Variants in TRIM33 observed in about 807,000 individuals in gnomAD.
The protein encoded by TRIM33 is tripartite motif containing 33.
TRIM33 carries 20 observed loss-of-function variants against 125.4 expected under a neutral mutation model. That is an observed-to-expected ratio of 0.16 (90% confidence interval 0.11 to 0.23). The LOEUF is 0.23. Ranked by LOEUF, TRIM33 falls within the 10% of genes least tolerant of loss-of-function variation. TRIM33 has a pLI of 1.00. For synonymous variants in TRIM33, 564 were observed against 513.9 expected (o/e 1.10, Z -1.32); for missense variants, 920 against 1,411.4 (o/e 0.65, Z 5.58).
At chr1:114,446,437 T>C (rs1236924408) in intron 4 of TRIM33, among the ~76,000 whole-genome samples, 1 of 152,174 alleles carries the variant, frequency 6.6e-6, no homozygotes, top group Non-Finnish European at 1.5e-5. Flanking sequence ...GTGGCAATAG[T>C]ACAAAGGATA....
At chr1:114,469,669 G>A (rs1425039878) in intron 1 of TRIM33, among the ~76,000 whole-genome samples, 1 of 152,206 alleles carries the variant, frequency 6.6e-6, no homozygotes, top group African/African-American at 2.4e-5. Flanking sequence ...GGAGCAACAG[G>A]TCACTGATCT....
At chr1:114,486,546 C>CAAAAAAAA (rs372795084) in intron 1 of TRIM33, among the ~76,000 whole-genome samples, 1 of 65,270 alleles carries the variant, frequency 1.5e-5, no homozygotes, top group Non-Finnish European at 3.1e-5. Flanking sequence ...GACCCTATCT[C>CAAAAAAAA]AAAAAAAAAA....
At chr1:114,425,387 GAA>G in intron 9 of TRIM33, 60 bp downstream of exon 9, 1 of 1,566,816 alleles carries the variant, frequency 6.4e-7, no homozygotes, top group South Asian at 1.2e-5. Context: ...AATTATATAG[GAA>G]AAAGTGTAGT....
chr1:114,441,634 C>A (rs1308319354), intron 4 of TRIM33, among the ~76,000 whole-genome samples: 4 of 152,090 alleles, frequency 2.6e-5, no homozygotes, highest in African/African-American at 7.2e-5. Context: ...TGCATTTTTG[C>A]AAAGGAAAAT....
chr1:114,403,187 A>G (rs1652013454), intron 15 of TRIM33, among the ~76,000 whole-genome samples: 1 of 152,222 alleles, frequency 6.6e-6, no homozygotes, highest in African/African-American at 2.4e-5. Context: ...CAATTCTCTC[A>G]GATCCCAGTA....
chr1:114,425,971 A>T (rs1034878932), intron 8 of TRIM33, among the ~76,000 whole-genome samples: 1 of 152,160 alleles, frequency 6.6e-6, no homozygotes, highest in Non-Finnish European at 1.5e-5. Context: ...TTTTACTTAG[A>T]CATACAGAAA....
chr1:114,496,144 T>C (rs1020564321), intron 1 of TRIM33, among the ~76,000 whole-genome samples: 2 of 152,242 alleles, frequency 1.3e-5, no homozygotes, highest in African/African-American at 4.8e-5. Context: ...CTTACCCTCA[T>C]ATCTGCCCTA....
intron 1 of TRIM33, among the ~76,000 whole-genome samples, chr1:114,467,891 GA>G (rs1246029198): frequency 6.6e-6 from 1 of 152,076 alleles, no homozygotes; most frequent in Non-Finnish European, 1.5e-5. Flanking sequence ...CTTTCCCTTA[GA>G]AAATAATGAA....
intron 4 of TRIM33, among the ~76,000 whole-genome samples, chr1:114,454,080 G>A (rs1649487594): frequency 6.6e-6 from 1 of 152,100 alleles, no homozygotes; most frequent in African/African-American, 2.4e-5. Flanking sequence ...TAGTTTTAGG[G>A]AATCTTGATC....
At chr1:114,482,433 C>T (rs139200572) in intron 1 of TRIM33, among the ~76,000 whole-genome samples, 253 of 152,204 alleles carry the variant, frequency 1.7e-3, no homozygotes, top group African/African-American at 5.7e-3. Flanking sequence ...TTGAAAACAA[C>T]TGATAAACAA....
chr1:114,397,589 G>GTTTTTT lies in TRIM33; in HGVS notation c.*53_*58dup. On this transcript the variant is annotated 3_prime_UTR_variant, in exon 20 of 20. Coordinates refer to ENST00000358465, the MANE Select transcript of TRIM33 (RefSeq NM_015906.4). ...CTTAAAAGTTTTCTGGGTTTTTTGT[G>GTTTTTT]TTTTTTTTTTTTTTTTCGTTTTTTT... 2 of 637,682 alleles carry GTTTTTT rather than the reference G, an allele frequency of 3.1e-6. No homozygotes were observed. Among genetic ancestry groups the GTTTTTT allele is most frequent in the Non-Finnish European group, 4.7e-6 (2 of 424,412 alleles). 39.5% of individuals were successfully genotyped at this position (637,682 alleles called of 1,614,324 possible).
At chr1:114,443,727 T>C (rs1267735115) in intron 4 of TRIM33, among the ~76,000 whole-genome samples, 2 of 151,892 alleles carry the variant, frequency 1.3e-5, no homozygotes, top group Non-Finnish European at 2.9e-5. Context: ...AAAACTGCAA[T>C]AGGGTATAAA....
chr1:114,429,558 T>A (rs1352165807), intron 6 of TRIM33, among the ~76,000 whole-genome samples: 2 of 152,008 alleles, frequency 1.3e-5, no homozygotes, highest in Non-Finnish European at 2.9e-5. Context: ...GATAACATTC[T>A]ACTGACATCA....
At chr1:114,469,385 A>G (rs1371608156) in intron 1 of TRIM33, 3 of 152,320 alleles carry the variant, frequency 2.0e-5, no homozygotes, top group Admixed American at 6.5e-5. Flanking sequence ...CAAGATTAAA[A>G]AGCTGCCAAG....
At chr1:114,404,576 G>A (rs941290514) in intron 15 of TRIM33, 1 of 152,062 alleles carries the variant, frequency 6.6e-6, no homozygotes, top group Admixed American at 6.6e-5. Context: ...CAAGATCAAA[G>A]TGCCAATGCT....
At chr1:114,466,660 C>G (rs1474933254) in intron 1 of TRIM33, among the ~76,000 whole-genome samples, 1 of 152,192 alleles carries the variant, frequency 6.6e-6, no homozygotes, top group African/African-American at 2.4e-5. Flanking sequence ...TGGCAATACT[C>G]CCAGTGTATT....
chr1:114,453,767 A>T (rs2101324652), intron 4 of TRIM33, among the ~76,000 whole-genome samples: 1 of 152,316 alleles, frequency 6.6e-6, no homozygotes, highest in Admixed American at 6.5e-5. Flanking sequence ...GGTGAACCAC[A>T]TCTATGTGAC....
At chr1:114,419,046 A>G (rs1390971753) in intron 11 of TRIM33, among the ~76,000 whole-genome samples, 1 of 151,936 alleles carries the variant, frequency 6.6e-6, no homozygotes, top group Non-Finnish European at 1.5e-5. Context: ...CATCTCTACT[A>G]AAACACAAAA....
intron 17 of TRIM33, among the ~76,000 whole-genome samples, chr1:114,400,314 C>T (rs575652242): frequency 9.2e-5 from 14 of 152,310 alleles, no homozygotes; most frequent in African/African-American, 3.4e-4. Context: ...GGCAATTATC[C>T]TGCCTCAGCC....
Sources: gnomAD v4.1 joint callset for allele counts (sites outside exome capture counted in the v4.1 genomes callset) on GRCh38, gnomAD v4.1.1 for gene constraint, MANE v1.5 for transcripts, NCBI Gene and HGNC (gene_info 2026-07-23, HGNC 2026-07-21) for gene names.